The following SESTD1 variants were observed in gnomAD, a reference collection of about 807,000 sequenced individuals.
The protein encoded by SESTD1 is SEC14 domain and spectrin repeat-containing protein 1.
A neutral mutation model predicts 101.7 loss-of-function variants in SESTD1; 43 were observed. That is an observed-to-expected ratio of 0.42 (90% CI 0.33 to 0.55). SESTD1 has a LOEUF of 0.55. Among genes scored for constraint, SESTD1 ranks in the 20% least tolerant of loss-of-function variants. The probability of loss-of-function intolerance (pLI) is 0.07; values close to 1 mark genes in which losing one functional copy is unlikely to be tolerated. For synonymous variants in SESTD1, 283 were observed against 286.8 expected (o/e 0.99, Z 0.13); for missense variants, 647 against 815.1 (o/e 0.79, Z 2.51).
In SESTD1 at chr2:179,170,030, C is replaced by G. The variant is rs149140377; in HGVS notation, c.369+2090G>C. ...AATACATATTCTTGACCATAGCTCA[C>G]AAACATTAACTCAAAATAGATCACA... On this transcript the variant is annotated intron_variant, in intron 5 of 17. Transcript: ENST00000428443. Among the ~76,000 whole-genome samples the G allele has an allele frequency of 6.8e-4, 101 of 149,556 alleles. 1 individual carries two copies. In the East Asian group the frequency reaches 0.019, roughly 28 times the overall value.
At chr2:179,219,277 A>G (rs1487750845) in intron 1 of SESTD1, among the ~76,000 whole-genome samples, 7 of 152,244 alleles carry the variant, frequency 4.6e-5, no homozygotes, top group Non-Finnish European at 2.9e-5. Flanking sequence ...ACTGTAATTG[A>G]TGATGTGAGT....
At chr2:179,246,628 CAGG>C (rs540025349) in intron 1 of SESTD1, among the ~76,000 whole-genome samples, 126 of 152,246 alleles carry the variant, frequency 8.3e-4, no homozygotes, top group African/African-American at 2.9e-3. Flanking sequence ...TACCACAAAA[CAGG>C]AGAATATAAA....
At chr2:179,234,627 G>A (rs62177330) in intron 1 of SESTD1, among the ~76,000 whole-genome samples, 8,398 of 151,928 alleles carry the variant, frequency 0.055, 317 homozygotes, top group South Asian at 0.14. Context: ...AAAATAGTAC[G>A]AGTATACATC....
chr2:179,211,718 G>A (rs2046653482), intron 1 of SESTD1, among the ~76,000 whole-genome samples: 1 of 134,422 alleles, frequency 7.4e-6, no homozygotes, highest in Non-Finnish European at 1.6e-5. Flanking sequence ...CAACCTGGAT[G>A]CAGATGGACA....
chr2:179,225,359 C>A (rs1213503018), intron 1 of SESTD1, among the ~76,000 whole-genome samples: 6 of 152,050 alleles, frequency 3.9e-5, no homozygotes, highest in Non-Finnish European at 7.4e-5. Context: ...AATGTAGTAA[C>A]CTTTACTGTA....
chr2:179,172,875 C>T (rs1167031791), intron 4 of SESTD1, among the ~76,000 whole-genome samples: 1 of 152,142 alleles, frequency 6.6e-6, no homozygotes, highest in Non-Finnish European at 1.5e-5. Context: ...ATCTTAAATC[C>T]AACAAGTTCT....
At chr2:179,200,599 G>C (rs1321125944) in intron 1 of SESTD1, among the ~76,000 whole-genome samples, 1 of 151,998 alleles carries the variant, frequency 6.6e-6, no homozygotes, top group Non-Finnish European at 1.5e-5. Flanking sequence ...ACCGAATAGA[G>C]CTCTCAGAAA....
intron 8 of SESTD1, among the ~76,000 whole-genome samples, chr2:179,144,566 A>G (rs2045354474): frequency 2.2e-5 from 3 of 135,830 alleles, no homozygotes; most frequent in African/African-American, 7.4e-5. Flanking sequence ...TTTTAAAAGT[A>G]AATAAGGTAA....
intron 9 of SESTD1, among the ~76,000 whole-genome samples, chr2:179,139,712 C>CT (rs1559108972): frequency 6.6e-6 from 1 of 152,134 alleles, no homozygotes; most frequent in Non-Finnish European, 1.5e-5. Flanking sequence ...AGGGGCCCCA[C>CT]AAGACACCGA....
At chr2:179,182,856 T>C (rs895054015) in intron 3 of SESTD1, among the ~76,000 whole-genome samples, 1 of 152,082 alleles carries the variant, frequency 6.6e-6, no homozygotes, top group African/African-American at 2.4e-5. Context: ...AAGTCGACAA[T>C]ACATACATTT....
At chr2:179,246,607 A>G (rs1321287387) in intron 1 of SESTD1, among the ~76,000 whole-genome samples, 2 of 152,236 alleles carry the variant, frequency 1.3e-5, no homozygotes, top group African/African-American at 4.8e-5. Flanking sequence ...ATCAACATTT[A>G]TAAAACAGTC....
In SESTD1 at chr2:179,132,442, G is replaced by T; in HGVS notation, c.850-16C>A. On this transcript the variant is annotated splice_polypyrimidine_tract_variant and intron_variant, in intron 9 of 17. Transcript: ENST00000428443. ...AGTTCACCACCTATAAACAAAAGTT[G>T]AGATAACATTTTTTAAAGAATCAGA... is the stretch of plus-strand genomic sequence containing the variant. The T allele has an allele frequency of 1.3e-6, 2 of 1,512,822 alleles. No individual in the cohort carries two copies. The highest frequency in any genetic ancestry group is 8.7e-7 in the Non-Finnish European group (1 of 1,151,478). The allele number at this position is 1,512,822 out of a possible 1,614,324, so 93.7% of individuals were successfully genotyped here. A position where few individuals can be genotyped will look rare whatever the true frequency, so the allele number is the denominator to read the frequency against.
At chr2:179,184,662 T>G (rs2046179412) in intron 2 of SESTD1, among the ~76,000 whole-genome samples, 1 of 152,048 alleles carries the variant, frequency 6.6e-6, no homozygotes, top group Non-Finnish European at 1.5e-5. Flanking sequence ...AGTTTGAAAA[T>G]TACTGGCTTA....
chr2:179,194,384 T>C (rs867012313), intron 1 of SESTD1, among the ~76,000 whole-genome samples: 43 of 152,180 alleles, frequency 2.8e-4, no homozygotes, highest in African/African-American at 1.0e-3. Flanking sequence ...CTTCCTAATG[T>C]CTGATCTTTC....
chr2:179,185,509 A>G (rs1483593672), intron 2 of SESTD1, among the ~76,000 whole-genome samples: 2 of 139,166 alleles, frequency 1.4e-5, no homozygotes, highest in Admixed American at 1.5e-4. Context: ...TATATCGTAT[A>G]TTGTATATTA....
chr2:179,188,264 A>G (rs1177870915), intron 2 of SESTD1, among the ~76,000 whole-genome samples: 1 of 152,242 alleles, frequency 6.6e-6, no homozygotes, highest in African/African-American at 2.4e-5. Flanking sequence ...AATAGAAATC[A>G]ATACCAAGAA....
chr2:179,236,961 T>C (rs568944462), intron 1 of SESTD1, among the ~76,000 whole-genome samples: 10 of 152,098 alleles, frequency 6.6e-5, no homozygotes, highest in Non-Finnish European at 1.3e-4. Context: ...CAGTAATTAC[T>C]GATTTAAAAT....
intron 15 of SESTD1, 34 bp from the exon 16 acceptor site, chr2:179,115,290 A>G (rs1559096225): frequency 2.0e-6 from 3 of 1,502,456 alleles, no homozygotes; most frequent in Non-Finnish European, 1.8e-6. Context: ...AATTGTAATA[A>G]AAGAATTCTT....
At chr2:179,171,315 T>C (rs1044318730) in intron 5 of SESTD1, among the ~76,000 whole-genome samples, 1 of 152,188 alleles carries the variant, frequency 6.6e-6, no homozygotes, top group Non-Finnish European at 1.5e-5. Flanking sequence ...CTCAAATCTT[T>C]CTATCCAATA....
Sources: allele counts gnomAD v4.1 joint callset (sites outside exome capture counted in the v4.1 genomes callset), GRCh38; gene constraint gnomAD v4.1.1; transcripts MANE v1.5; gene names NCBI Gene and HGNC (gene_info 2026-07-23, HGNC 2026-07-21).